Variants in BCCIP observed in about 807,000 individuals in gnomAD.
BCCIP encodes the protein BRCA2 and CDKN1A interacting protein.
A neutral mutation model predicts 32.8 loss-of-function variants in BCCIP; 23 were observed. The ratio of observed to expected loss-of-function variants is 0.70; its 90% CI spans 0.51 to 0.99. The LOEUF is 0.99. BCCIP is among the 50% of genes least tolerant of loss of function. BCCIP has a pLI of 0.00. For missense variants in BCCIP, 378 were observed against 379.8 expected, an observed-to-expected ratio of 1.00 and a Z score of 0.04; for synonymous variants, 144 against 137.6, an observed-to-expected ratio of 1.05 and a Z score of -0.33.
downstream of BCCIP, chr10:125,838,201 C>G: frequency 5.1e-6 from 8 of 1,572,926 alleles, no homozygotes; most frequent in Non-Finnish European, 6.9e-6. Context: ...CTCCATTAAA[C>G]TTACAGTTCA....
At chr10:125,847,679 T>A (rs1294155984), downstream of BCCIP, among the ~76,000 whole-genome samples, 1 of 152,200 alleles carries the variant, frequency 6.6e-6, no homozygotes, top group Non-Finnish European at 1.5e-5. Context: ...CATTGTAATA[T>A]ATAATGAAAT....
intron 6 of BCCIP, 51 bp from the exon 7 acceptor site, chr10:125,836,053 T>A (rs1214547390): frequency 6.7e-7 from 1 of 1,503,010 alleles, no homozygotes; most frequent in Admixed American, 1.8e-5. Flanking sequence ...CAAATGGGTT[T>A]TGTCTTTGGG....
At chr10:125,841,041 TTTATC>T, downstream of BCCIP, 1 of 1,571,906 alleles carries the variant, frequency 6.4e-7, no homozygotes, top group Non-Finnish European at 8.7e-7. Context: ...ATGAAGACAT[TTTATC>T]TTAGCCTAAC....
Position 125,836,538 on chromosome 10 carries a change from T to G in BCCIP, c.*264T>G, listed in dbSNP as rs1022331659. On this transcript the variant is annotated 3_prime_UTR_variant, in exon 7 of 7. Coordinates refer to ENST00000278100, the MANE Select transcript of BCCIP (RefSeq NM_078468.3). Reference sequence around the variant, plus strand: ...AGAACTCAATAAAAACTTCTATTTTTTATTTTAAAATAATATACACAGTGT... The same window carrying G: ...AGAACTCAATAAAAACTTCTATTTTGTATTTTAAAATAATATACACAGTGT... 17 of 1,337,428 alleles carry G rather than the reference T, an allele frequency of 1.3e-5. No homozygotes were observed. In the Admixed American group the frequency reaches 5.2e-4, roughly 41 times the overall value. 82.8% of individuals were successfully genotyped at this position (1,337,428 alleles called of 1,614,324 possible). A position where few individuals can be genotyped will look rare whatever the true frequency, so the allele number is the denominator to read the frequency against.
At position 125,834,993 on chromosome 10, in the gene BCCIP, C is replaced by T. The variant is rs193032159; in HGVS notation, c.774+1047C>T. On this transcript the variant is annotated intron_variant, in intron 6 of 6. Transcript: ENST00000278100. ...TAAAAAATACAAAAAATTAGCCGGGCGTGGTGGCACGTGCCTGTAGTCCCA... is the reference window on the plus strand; with the variant it reads ...TAAAAAATACAAAAAATTAGCCGGGTGTGGTGGCACGTGCCTGTAGTCCCA... Among the ~76,000 whole-genome samples the T allele has an allele frequency of 1.2e-3, 178 of 151,470 alleles. 3 individuals carry two copies. Among genetic ancestry groups the T allele is most frequent in the African/African-American group, 4.0e-3 (164 of 41,210 alleles).
downstream of BCCIP, chr10:125,839,116 G>C (rs1854792320): frequency 1.2e-6 from 2 of 1,614,216 alleles, no homozygotes; most frequent in Non-Finnish European, 8.5e-7. Flanking sequence ...TAAGAGTTCA[G>C]CTCGAATAAC....
At chr10:125,838,624 C>G (rs927449373), downstream of BCCIP, among the ~76,000 whole-genome samples, 1 of 152,122 alleles carries the variant, frequency 6.6e-6, no homozygotes, top group African/African-American at 2.4e-5. Flanking sequence ...TAAAACAGTG[C>G]AGCTGTGAGG....
chr10:125,831,529 A>T lies in BCCIP; in HGVS notation c.521A>T (p.Lys174Met). 6.2e-7 allele frequency: 1 copy of T among 1,614,224 alleles called. No homozygotes were observed. The highest frequency in any genetic ancestry group is 8.5e-7 in the Non-Finnish European group (1 of 1,180,036). ...GACAAGTTTTTAAATGACACCACCA[A>T]GCCTGTGGGCCTTCTCCTAAGTGAA... Reference protein sequence around the residue: ...QLDKFLNDTTKPVGLLLSERF... With the variant: ...QLDKFLNDTTMPVGLLLSERF... The change falls in exon 5 of 7, where the codon AAG (lysine) becomes ATG (methionine). Residue 174 changes from lysine to methionine, a missense_variant. Transcript: ENST00000278100.
intron 3 of BCCIP, among the ~76,000 whole-genome samples, chr10:125,828,250 C>G (rs564962072): frequency 2.8e-4 from 42 of 152,210 alleles, no homozygotes; most frequent in Non-Finnish European, 5.6e-4. Context: ...AACAGGATAA[C>G]AAACATGGAG....
chr10:125,851,944 AAAG>A (rs1356570302), intron 7 of BCCIP, among the ~76,000 whole-genome samples: 4 of 151,548 alleles, frequency 2.6e-5, no homozygotes, highest in Non-Finnish European at 5.9e-5. Context: ...AAAAAAAAGA[AAAG>A]AAAAAAGGAC....
exon 7 of BCCIP, chr10:125,842,088 A>G (rs1355455172): frequency 1.9e-6 from 2 of 1,029,902 alleles, no homozygotes; most frequent in Non-Finnish European, 2.6e-6. Flanking sequence ...GGAGTGAAGG[A>G]TAGTGATTCT....
chr10:125,839,454 CTG>C (rs763301794), downstream of BCCIP, among the ~76,000 whole-genome samples: 156 of 152,346 alleles, frequency 1.0e-3, no homozygotes, highest in Admixed American at 3.7e-3. Flanking sequence ...ACTGTGGAAA[CTG>C]TTCCTAGTGG....
At chr10:125,852,966 G>C (rs909389265) in intron 7 of BCCIP, among the ~76,000 whole-genome samples, 3 of 152,124 alleles carry the variant, frequency 2.0e-5, no homozygotes, top group African/African-American at 4.8e-5. Context: ...ATGTCACACA[G>C]AGAAAGGGTT....
downstream of BCCIP, among the ~76,000 whole-genome samples, chr10:125,847,234 G>A (rs910729371): frequency 2.6e-5 from 4 of 152,114 alleles, no homozygotes; most frequent in Admixed American, 1.3e-4. Flanking sequence ...TACCATGGAA[G>A]GGAGGGAGGG....
intron 3 of BCCIP, 43 bp from the exon 4 acceptor site, chr10:125,830,516 GTAT>G: frequency 5.5e-6 from 7 of 1,284,246 alleles, no homozygotes; most frequent in Non-Finnish European, 7.6e-6. Context: ...TATACTCTTG[GTAT>G]TATACTAAAT....
At chr10:125,853,192 T>C in exon 8 of BCCIP, 1 of 1,613,220 alleles carries the variant, frequency 6.2e-7, no homozygotes, top group Non-Finnish European at 8.5e-7. Flanking sequence ...CAAGATCAAC[T>C]CTAAGTGATT....
chr10:125,831,679 T>C, intron 5 of BCCIP, 72 bp downstream of exon 5: 2 of 1,380,648 alleles, frequency 1.4e-6, no homozygotes, highest in Non-Finnish European at 2.0e-6. Flanking sequence ...GTCATTTAAG[T>C]AGAATATGTA....
At chr10:125,841,192 T>TGC (rs1854867381), downstream of BCCIP, 1 of 1,491,048 alleles carries the variant, frequency 6.7e-7, no homozygotes, top group African/African-American at 1.4e-5. Flanking sequence ...TCCTTTTGTG[T>TGC]GTGTGTGTTT....
chr10:125,846,627 T>A (rs568225579), downstream of BCCIP, among the ~76,000 whole-genome samples: 20 of 152,324 alleles, frequency 1.3e-4, 1 homozygote, highest in South Asian at 3.7e-3. Flanking sequence ...CCTGCTCTAC[T>A]GGAAATGCAC....
Sources: gnomAD v4.1 joint callset for allele counts (sites outside exome capture counted in the v4.1 genomes callset) on GRCh38, gnomAD v4.1.1 for gene constraint, MANE v1.5 for transcripts, NCBI Gene and HGNC (gene_info 2026-07-23, HGNC 2026-07-21) for gene names.